CLPSL1: variants seen among roughly 807,000 people sequenced by gnomAD.
The protein encoded by CLPSL1 is colipase like 1.
CLPSL1 carries 13 observed loss-of-function variants against 9.3 expected under a neutral mutation model. The ratio of observed to expected loss-of-function variants is 1.40; its 90% CI spans 0.91 to 2.22. The LOEUF is 2.22. Among genes scored for constraint, CLPSL1 ranks in the 30% most tolerant of loss-of-function variants. CLPSL1 has a pLI of 0.00. For missense variants in CLPSL1, 164 were observed against 146.6 expected (o/e 1.12, Z -0.61); for synonymous variants, 58 against 56.9 (o/e 1.02, Z -0.08).
At chr6:35,786,506 G>A (rs527774755) in intron 1 of CLPSL1, among the ~76,000 whole-genome samples, 2 of 152,206 alleles carry the variant, frequency 1.3e-5, no homozygotes, top group Admixed American at 1.3e-4. Flanking sequence ...GTATTTGCCT[G>A]TTGAATGACT....
downstream of CLPSL1, among the ~76,000 whole-genome samples, chr6:35,791,259 C>T (rs1474173572): frequency 1.3e-5 from 2 of 152,258 alleles, no homozygotes; most frequent in Non-Finnish European, 2.9e-5. Context: ...CCTTGACTTA[C>T]GATGGGGCTA....
rs1767956213 is a variant in CLPSL1 at position 35,781,049 on chromosome 6, C to T, written c.-62C>T. On this transcript the variant is annotated 5_prime_UTR_variant, in exon 1 of 3. Transcript: ENST00000373861. The stretch of plus-strand genomic sequence containing the variant: ...GTGTTCCCACAGCTGGGAGGACACC[C>T]ACATGGTCGGCGTGCAGGATATTTC... 1 of 1,597,058 alleles carries T rather than the reference C, an allele frequency of 6.3e-7. No individual in the cohort carries two copies. Among genetic ancestry groups the T allele is most frequent in the Non-Finnish European group, 8.5e-7 (1 of 1,171,392 alleles).
At position 35,787,032 on chromosome 6, in the gene CLPSL1, G is replaced by T; in HGVS notation, c.134G>T (p.Cys45Phe). 1 of 1,594,114 alleles carries T rather than the reference G, an allele frequency of 6.3e-7. No individual in the cohort carries two copies. The highest frequency in any genetic ancestry group is 8.5e-7 in the Non-Finnish European group (1 of 1,172,288). The change falls in exon 2 of 3, where the codon TGC (cysteine) becomes TTC (phenylalanine). Residue 45 changes from cysteine (C) to phenylalanine (F), a missense_variant. Transcript: ENST00000373861. ...GAGTCTTGCATCCGGAACCAGGACT[G>T]CGAGACTGGCTGCTGCCAACGTGCT... ...LKESCIRNQDCETGCCQRAPD... is the reference protein window; with the variant it reads ...LKESCIRNQDFETGCCQRAPD...
downstream of CLPSL1, among the ~76,000 whole-genome samples, chr6:35,791,840 G>A (rs1472548576): frequency 6.6e-6 from 1 of 152,104 alleles, no homozygotes; most frequent in African/African-American, 2.4e-5. Context: ...GGCCTAGGTG[G>A]GCAGATTGCC....
chr6:35,787,492 G>A (rs532959298), intron 2 of CLPSL1, among the ~76,000 whole-genome samples: 30 of 152,208 alleles, frequency 2.0e-4, no homozygotes, highest in Admixed American at 5.2e-4. Flanking sequence ...CTGTGGCCCC[G>A]GGTGTTCCTG....
intron 1 of CLPSL1, among the ~76,000 whole-genome samples, chr6:35,786,667 G>C (rs1210644842): frequency 6.6e-6 from 1 of 151,894 alleles, no homozygotes; most frequent in Non-Finnish European, 1.5e-5. Flanking sequence ...GAAAGGGTGA[G>C]TATGAGTTTT....
At position 35,787,029 on chromosome 6, in the gene CLPSL1, A is replaced by T; in HGVS notation, c.131A>T (p.Asp44Val). The T allele has an allele frequency of 6.3e-7, 1 of 1,592,322 alleles. No individual in the cohort carries two copies. The highest frequency in any genetic ancestry group is 8.5e-7 in the Non-Finnish European group (1 of 1,171,414). The change falls in exon 2 of 3, where the codon GAC becomes GTC. Residue 44 changes from aspartate (D) to valine (V), a missense_variant. Asp to Val is a radical substitution (Grantham distance 152, BLOSUM62 -3). Coordinates refer to ENST00000373861, the MANE Select transcript of CLPSL1 (RefSeq NM_001010886.5). ...AAGGAGTCTTGCATCCGGAACCAGG[A>T]CTGCGAGACTGGCTGCTGCCAACGT... ...ELKESCIRNQ[D>V]CETGCCQRAP...
intron 1 of CLPSL1, among the ~76,000 whole-genome samples, chr6:35,786,035 C>T (rs1768066028): frequency 6.6e-6 from 1 of 151,424 alleles, no homozygotes; most frequent in Non-Finnish European, 1.5e-5. Context: ...GAGGCCGAGG[C>T]GGGTGGATCA....
chr6:35,788,803 C>G (rs561549088), downstream of CLPSL1, among the ~76,000 whole-genome samples: 2 of 152,256 alleles, frequency 1.3e-5, no homozygotes, highest in Non-Finnish European at 2.9e-5. Context: ...TTTAGGAAGT[C>G]TCAGTGTGTG....
intron 2 of CLPSL1, among the ~76,000 whole-genome samples, chr6:35,787,491 CG>C (rs1334815005): frequency 5.5e-4 from 84 of 152,358 alleles, no homozygotes; most frequent in African/African-American, 1.7e-3. Context: ...GCTGTGGCCC[CG>C]GGTGTTCCTG....
intron 1 of CLPSL1, among the ~76,000 whole-genome samples, chr6:35,785,078 A>G (rs1768042040): frequency 6.6e-6 from 1 of 150,598 alleles, no homozygotes. Context: ...TGTCCTCCTT[A>G]CCCTTGGGAA....
At chr6:35,789,754 T>C (rs1156278323), downstream of CLPSL1, among the ~76,000 whole-genome samples, 1 of 152,140 alleles carries the variant, frequency 6.6e-6, no homozygotes, top group Non-Finnish European at 1.5e-5. Flanking sequence ...ATTAGCTGGG[T>C]GTGGTGGTGC....
chr6:35,792,931 G>A (rs1202085745), downstream of CLPSL1, among the ~76,000 whole-genome samples: 1 of 152,250 alleles, frequency 6.6e-6, no homozygotes, highest in African/African-American at 2.4e-5. Context: ...ACCATTACCT[G>A]GTTTCCTAAT....
chr6:35,786,291 A>G (rs1022787557), intron 1 of CLPSL1, among the ~76,000 whole-genome samples: 1 of 152,242 alleles, frequency 6.6e-6, no homozygotes, highest in African/African-American at 2.4e-5. Flanking sequence ...TCAGCTCCTC[A>G]GTTGCACTAC....
chr6:35,793,700 C>G, downstream of CLPSL1: 1 of 424,148 alleles, frequency 2.4e-6, no homozygotes, highest in East Asian at 7.2e-5. Context: ...CTGCTACTCA[C>G]AGTTGAATGC....
At chr6:35,786,849 C>T (rs1768082969) in intron 1 of CLPSL1, 149 bp from the exon 2 acceptor site, 3 of 1,022,690 alleles carry the variant, frequency 2.9e-6, no homozygotes, top group Non-Finnish European at 4.3e-6. Context: ...CCCCGGCCCC[C>T]ACGTAGAGAC....
chr6:35,786,091 C>G (rs1017623367), intron 1 of CLPSL1, among the ~76,000 whole-genome samples: 2 of 152,006 alleles, frequency 1.3e-5, no homozygotes, highest in African/African-American at 4.8e-5. Context: ...ATGGCGAAAC[C>G]CCGTCTCTAC....
rs201083630 is a variant in CLPSL1, at chr6:35,787,903, C to A, written c.259C>A (p.Arg87=). 1 of 1,607,140 alleles carries A rather than the reference C, an allele frequency of 6.2e-7. No individual in the cohort carries two copies. Among genetic ancestry groups the A allele is most frequent in the Non-Finnish European group, 8.5e-7 (1 of 1,173,740 alleles). ...CCAATATAGAGCGTGTCCCTGCCTGCGGAACCTGACTTGTATATATTCAAA... is the reference window on the plus strand; with the variant it reads ...CCAATATAGAGCGTGTCCCTGCCTGAGGAACCTGACTTGTATATATTCAAA... ...FGQYRACPCL[R]NLTCIYSKNE... is the part of the protein sequence containing the mutation. Residue 87 remains arginine (R), a synonymous_variant, in exon 3 of 3, where the codon CGG becomes AGG. Coordinates refer to ENST00000373861, the MANE Select transcript of CLPSL1 (RefSeq NM_001010886.5).
At chr6:35,791,386 G>A (rs146940819), downstream of CLPSL1, among the ~76,000 whole-genome samples, 2,676 of 151,938 alleles carry the variant, frequency 0.018, 50 homozygotes, top group African/African-American at 0.061. Context: ...TGAGGCAGGC[G>A]GATCACAAGG....
Sources: allele counts gnomAD v4.1 joint callset (sites outside exome capture counted in the v4.1 genomes callset), GRCh38; gene constraint gnomAD v4.1.1; transcripts MANE v1.5; gene names NCBI Gene and HGNC (gene_info 2026-07-23, HGNC 2026-07-21).